Variants in NOS1AP observed in about 807,000 individuals in gnomAD.
NOS1AP encodes the protein carboxyl-terminal PDZ ligand of neuronal nitric oxide synthase protein.
Under a neutral mutation model 56.2 loss-of-function variants are expected in NOS1AP, and 21 were observed. That is an observed-to-expected ratio of 0.37 (90% CI 0.26 to 0.54). NOS1AP has a LOEUF of 0.54. Among genes scored for constraint, NOS1AP ranks in the 20% least tolerant of loss-of-function variants. The probability of loss-of-function intolerance (pLI) is 0.84; values close to 1 mark genes in which losing one functional copy is unlikely to be tolerated. For synonymous variants in NOS1AP, 270 were observed against 274.6 expected (o/e 0.98, Z 0.17); for missense variants, 522 against 657.8 (o/e 0.79, Z 2.26).
intron 2 of NOS1AP, among the ~76,000 whole-genome samples, chr1:162,208,748 G>A (rs967145763): frequency 6.6e-6 from 1 of 152,212 alleles, no homozygotes; most frequent in Non-Finnish European, 1.5e-5. Context: ...TGCCTTCTGA[G>A]TTAGGCTATA....
intron 8 of NOS1AP, among the ~76,000 whole-genome samples, chr1:162,362,701 G>A (rs760339318): frequency 9.9e-5 from 15 of 152,100 alleles, no homozygotes; most frequent in Admixed American, 5.9e-4. Context: ...CTCTTTGTTG[G>A]GATAAGTAAC....
chr1:162,344,098 T>C lies in NOS1AP; in HGVS notation c.595+122T>C. Reference sequence around the variant, plus strand: ...TTAAGAAACATTTTATTTTTTCCGTTTCTCTCTAAATTCTAGATTCTCTTT... The same window carrying C: ...TTAAGAAACATTTTATTTTTTCCGTCTCTCTCTAAATTCTAGATTCTCTTT... On this transcript the variant is annotated intron_variant, in intron 6 of 9. Coordinates refer to ENST00000361897, the MANE Select transcript of NOS1AP (RefSeq NM_014697.3). The C allele has an allele frequency of 2.7e-6, 3 of 1,101,918 alleles. 1 individual carries two copies. Among genetic ancestry groups the C allele is most frequent in the South Asian group, 2.7e-5 (2 of 74,612 alleles). 68.3% of individuals were successfully genotyped at this position (1,101,918 alleles called of 1,614,324 possible).
At chr1:162,147,266 T>C (rs991218998) in intron 1 of NOS1AP, among the ~76,000 whole-genome samples, 2 of 148,622 alleles carry the variant, frequency 1.3e-5, no homozygotes, top group African/African-American at 5.0e-5. Context: ...GAGGCAGAGG[T>C]TGCAGTGAGC....
chr1:162,163,853 T>C (rs1650347182), intron 2 of NOS1AP, among the ~76,000 whole-genome samples: 1 of 152,094 alleles, frequency 6.6e-6, no homozygotes, highest in Non-Finnish European at 1.5e-5. Flanking sequence ...TAATGAAAAA[T>C]ACATTTATCT....
intron 2 of NOS1AP, among the ~76,000 whole-genome samples, chr1:162,224,968 G>C (rs1056801535): frequency 6.6e-6 from 1 of 152,208 alleles, no homozygotes; most frequent in African/African-American, 2.4e-5. Flanking sequence ...CATTGAAAAA[G>C]AAGCATCTCA....
In NOS1AP at chr1:162,236,683, G is replaced by A. The variant is rs181929606; in HGVS notation, c.178-50661G>A. ...TTTTTCTTTGGTGGGGGATGGGGGG[G>A]CAGGTGTATTCCTGCATTCCTCAAT... On this transcript the variant is annotated intron_variant, in intron 2 of 9. Transcript: ENST00000361897. Among the ~76,000 whole-genome samples the A allele has an allele frequency of 7.9e-4, 121 of 152,266 alleles. 1 individual carries two copies. The highest frequency in any genetic ancestry group is 2.1e-3 in the South Asian group (10 of 4,822).
chr1:162,151,572 A>G (rs1356569635), intron 1 of NOS1AP, among the ~76,000 whole-genome samples: 1 of 152,164 alleles, frequency 6.6e-6, no homozygotes, highest in Non-Finnish European at 1.5e-5. Flanking sequence ...GTATTTTGAT[A>G]GGGATTGTAT....
In NOS1AP at chr1:162,073,585, T is replaced by G. The variant is rs534456434; in HGVS notation, c.105+3303T>G. Reference sequence around the variant, plus strand: ...GAGTGATTCTCCTGCCTCAGCCTCCTGGGTAGCTGGGATAACAGGCATGCG... The same window carrying G: ...GAGTGATTCTCCTGCCTCAGCCTCCGGGGTAGCTGGGATAACAGGCATGCG... On this transcript the variant is annotated intron_variant, in intron 1 of 9. Transcript: ENST00000361897. Among the ~76,000 whole-genome samples, 4 of 152,282 alleles carry G rather than the reference T, an allele frequency of 2.6e-5. No individual in the cohort carries two copies. The East Asian group carries it at 5.8e-4, about 22-fold the overall frequency.
intron 4 of NOS1AP, among the ~76,000 whole-genome samples, chr1:162,315,360 A>C (rs374927787): frequency 3.9e-5 from 6 of 152,302 alleles, no homozygotes; most frequent in Admixed American, 1.3e-4. Context: ...ATTTTGCACT[A>C]AACACCTGTC....
intron 5 of NOS1AP, among the ~76,000 whole-genome samples, chr1:162,341,965 G>C (rs1470236438): frequency 6.6e-6 from 1 of 152,050 alleles, no homozygotes; most frequent in Non-Finnish European, 1.5e-5. Context: ...AAGTGTAGGG[G>C]CTTCTTGCTT....
intron 2 of NOS1AP, among the ~76,000 whole-genome samples, chr1:162,255,882 C>T (rs578058910): frequency 5.3e-5 from 8 of 152,236 alleles, no homozygotes; most frequent in East Asian, 1.9e-4. Context: ...CGGTGGCTTA[C>T]GCCTGTAATC....
intron 2 of NOS1AP, among the ~76,000 whole-genome samples, chr1:162,166,588 G>T (rs761220386): frequency 1.3e-5 from 2 of 152,112 alleles, no homozygotes; most frequent in Non-Finnish European, 2.9e-5. Flanking sequence ...CTTCTTTTGT[G>T]TTACCATTAC....
intron 2 of NOS1AP, among the ~76,000 whole-genome samples, chr1:162,273,574 TG>T (rs1014289793): frequency 1.3e-5 from 2 of 152,290 alleles, no homozygotes; most frequent in Admixed American, 6.5e-5. Flanking sequence ...CTTGGAGGCC[TG>T]GGGGCAAGGT....
At chr1:162,236,037 AG>A (rs1227001205) in intron 2 of NOS1AP, among the ~76,000 whole-genome samples, 1 of 152,204 alleles carries the variant, frequency 6.6e-6, no homozygotes, top group Non-Finnish European at 1.5e-5. Context: ...TCACTTCCCC[AG>A]TCCCAGTTTA....
chr1:162,239,175 T>C (rs1180474108), intron 2 of NOS1AP, among the ~76,000 whole-genome samples: 1 of 152,248 alleles, frequency 6.6e-6, no homozygotes, highest in African/African-American at 2.4e-5. Context: ...AGAAGTCTTT[T>C]ACTGTAAGAA....
At chr1:162,143,038 G>T (rs1649303288) in intron 1 of NOS1AP, among the ~76,000 whole-genome samples, 1 of 149,882 alleles carries the variant, frequency 6.7e-6, no homozygotes, top group Non-Finnish European at 1.5e-5. Context: ...ACTCCAGGAA[G>T]GCTTTTCCTG....
At chr1:162,087,091 A>C (rs1570998800) in intron 1 of NOS1AP, among the ~76,000 whole-genome samples, 2 of 152,142 alleles carry the variant, frequency 1.3e-5, no homozygotes, top group Non-Finnish European at 2.9e-5. Context: ...CAGCAGACAG[A>C]GGGCCTGATA....
In NOS1AP at chr1:162,321,731, A is replaced by AAAT. The variant is rs1480278757; in HGVS notation, c.345-11285_345-11284insATA. Among the ~76,000 whole-genome samples the AAAT allele has an allele frequency of 4.3e-4, 55 of 128,484 alleles. 1 individual carries two copies. The highest frequency in any genetic ancestry group is 1.5e-3 in the African/African-American group (53 of 34,548). The allele number at this position is 128,484 out of a possible 152,430, so 84.3% of individuals were successfully genotyped here. ...CTTAAAGTATAATTAAAAAAAAAAA[A>AAAT]ATATATATATATATATATATAAAAG... On this transcript the variant is annotated intron_variant, in intron 4 of 9. Transcript: ENST00000361897.
intron 1 of NOS1AP, among the ~76,000 whole-genome samples, chr1:162,142,884 A>G (rs1649297443): frequency 6.6e-6 from 1 of 152,218 alleles, no homozygotes; most frequent in Non-Finnish European, 1.5e-5. Flanking sequence ...GAGATTTCTA[A>G]TCAAGAGAGT....
Sources: allele counts gnomAD v4.1 joint callset (sites outside exome capture counted in the v4.1 genomes callset), GRCh38; gene constraint gnomAD v4.1.1; transcripts MANE v1.5; gene names NCBI Gene and HGNC (gene_info 2026-07-23, HGNC 2026-07-21).